PPFIA2: variants seen among roughly 807,000 people sequenced by gnomAD.
The protein encoded by PPFIA2 is PPFI scaffold protein A2.
In PPFIA2, 46 loss-of-function variants were observed where a neutral mutation model predicts 175.5. The ratio of observed to expected loss-of-function variants is 0.26; its 90% CI spans 0.21 to 0.34. The LOEUF is 0.34. PPFIA2 is among the 10% of genes least tolerant of loss of function. PPFIA2 has a pLI of 1.00. For missense variants in PPFIA2, 1,179 were observed against 1,506.1 expected, an observed-to-expected ratio of 0.78 and a Z score of 3.60; for synonymous variants, 568 against 511.4, an observed-to-expected ratio of 1.11 and a Z score of -1.49.
At chr12:81,327,662 G>T (rs879110366) in intron 21 of PPFIA2, among the ~76,000 whole-genome samples, 1 of 152,006 alleles carries the variant, frequency 6.6e-6, no homozygotes, top group Non-Finnish European at 1.5e-5. Flanking sequence ...GTGGCTAGAT[G>T]AATCAGGCTT....
chr12:81,483,674 G>C (rs992882220), intron 4 of PPFIA2, among the ~76,000 whole-genome samples: 4 of 151,816 alleles, frequency 2.6e-5, no homozygotes, highest in African/African-American at 9.7e-5. Flanking sequence ...TGAATTTTAT[G>C]CTATTTTTTT....
chr12:81,362,634 A>G, intron 15 of PPFIA2, 59 bp downstream of exon 15: 6 of 1,174,922 alleles, frequency 5.1e-6, no homozygotes, highest in Non-Finnish European at 7.4e-6. Context: ...ATATGAAACC[A>G]TAAGGGAATT....
chr12:81,266,958 C>A lies in PPFIA2; in HGVS notation c.3549G>T (p.Leu1183=). 6.2e-7 allele frequency: 1 copy of A among 1,610,242 alleles called. No homozygotes were observed. Among genetic ancestry groups the A allele is most frequent in the Non-Finnish European group, 8.5e-7 (1 of 1,176,886 alleles). ...NLLALGTERR[L]DESDDKNFRR... ...GAATAACAGGTGGACTTACTTCATC[C>A]AGTCGCCTTTCAGTTCCCAGGGCCA... Residue 1183 remains leucine, a synonymous_variant, in exon 30 of 33, where the codon CTG becomes CTT. Transcript: ENST00000549396.
At chr12:81,350,816 A>C (rs564898792) in intron 17 of PPFIA2, among the ~76,000 whole-genome samples, 1 of 152,280 alleles carries the variant, frequency 6.6e-6, no homozygotes, top group East Asian at 1.9e-4. Context: ...TAAGGTAAAA[A>C]ACTATTCTAA....
At chr12:81,436,943 T>C (rs2049165992) in intron 7 of PPFIA2, among the ~76,000 whole-genome samples, 1 of 152,202 alleles carries the variant, frequency 6.6e-6, no homozygotes, top group Non-Finnish European at 1.5e-5. Flanking sequence ...TGATTTTTAC[T>C]TATGCAAGTG....
At chr12:81,698,126 C>T (rs927417639) in intron 3 of PPFIA2, among the ~76,000 whole-genome samples, 1 of 152,020 alleles carries the variant, frequency 6.6e-6, no homozygotes, top group South Asian at 2.1e-4. Flanking sequence ...ATTTCTGATT[C>T]GATAGGCCAG....
chr12:81,695,540 A>G (rs1048505826), intron 3 of PPFIA2, among the ~76,000 whole-genome samples: 10 of 152,290 alleles, frequency 6.6e-5, no homozygotes, highest in Admixed American at 1.3e-4. Context: ...TGCTTCCTGT[A>G]AAACCTACAA....
chr12:81,587,190 T>A (rs2075412277), intron 4 of PPFIA2, among the ~76,000 whole-genome samples: 1 of 152,016 alleles, frequency 6.6e-6, no homozygotes, highest in South Asian at 2.1e-4. Flanking sequence ...ATTGTAATCC[T>A]CACATGTAGA....
chr12:81,511,404 A>G (rs1367442744), intron 4 of PPFIA2, among the ~76,000 whole-genome samples: 4 of 152,140 alleles, frequency 2.6e-5, no homozygotes, highest in Non-Finnish European at 5.9e-5. Flanking sequence ...ATGAACATCA[A>G]GATTTATAAA....
intron 4 of PPFIA2, among the ~76,000 whole-genome samples, chr12:81,507,255 T>G (rs1024633715): frequency 6.6e-6 from 1 of 152,188 alleles, no homozygotes; most frequent in African/African-American, 2.4e-5. Flanking sequence ...TTCAGTTGTT[T>G]TATTATATCT....
chr12:81,443,616 T>C (rs944303717), intron 6 of PPFIA2, among the ~76,000 whole-genome samples: 8 of 152,110 alleles, frequency 5.3e-5, no homozygotes, highest in Non-Finnish European at 1.2e-4. Flanking sequence ...ATCATTCTTT[T>C]GTAAAAGCAT....
chr12:81,299,445 AATG>A, intron 22 of PPFIA2, 63 bp from the exon 23 acceptor site: 1 of 1,510,854 alleles, frequency 6.6e-7, no homozygotes, highest in Non-Finnish European at 8.9e-7. Context: ...GATTATTTTT[AATG>A]ATAATATTTT....
intron 7 of PPFIA2, chr12:81,417,289 T>C (rs2045463568): frequency 6.6e-6 from 1 of 151,712 alleles, no homozygotes; most frequent in South Asian, 2.1e-4. Flanking sequence ...TTCTATATTC[T>C]TCCTCTAGCA....
chr12:81,703,272 T>C (rs2153603708), intron 3 of PPFIA2, among the ~76,000 whole-genome samples: 1 of 152,244 alleles, frequency 6.6e-6, no homozygotes, highest in South Asian at 2.1e-4. Flanking sequence ...CACAGACACC[T>C]CATACTAAAT....
At chr12:81,607,298 T>G (rs779131256) in intron 4 of PPFIA2, among the ~76,000 whole-genome samples, 2 of 152,106 alleles carry the variant, frequency 1.3e-5, no homozygotes, top group Non-Finnish European at 2.9e-5. Context: ...CTTTTTTGGT[T>G]CCATATGAAT....
At chr12:81,355,004 T>A (rs1400582162) in intron 16 of PPFIA2, among the ~76,000 whole-genome samples, 1 of 152,162 alleles carries the variant, frequency 6.6e-6, no homozygotes, top group African/African-American at 2.4e-5. Flanking sequence ...CCTAGAATGA[T>A]GAATCGTTTC....
chr12:81,564,286 GGAAA>G (rs147142735), intron 4 of PPFIA2, among the ~76,000 whole-genome samples: 37,753 of 148,504 alleles, frequency 0.25, 4,777 homozygotes, highest in Middle Eastern at 0.32. Flanking sequence ...TCAAGCTGAA[GGAAA>G]GAAACTTAGA....
intron 28 of PPFIA2, 37 bp downstream of exon 28, chr12:81,277,280 G>A: frequency 6.6e-7 from 1 of 1,504,132 alleles, no homozygotes; most frequent in Non-Finnish European, 8.9e-7. Flanking sequence ...AAAAACCCCA[G>A]AATAAAGGCA....
intron 24 of PPFIA2, among the ~76,000 whole-genome samples, chr12:81,288,781 T>C (rs2044122351): frequency 6.6e-6 from 1 of 151,778 alleles, no homozygotes; most frequent in African/African-American, 2.4e-5. Flanking sequence ...AATTTTTGTC[T>C]CTCATTATAA....
Sources: gnomAD v4.1 joint callset for allele counts (sites outside exome capture counted in the v4.1 genomes callset) on GRCh38, gnomAD v4.1.1 for gene constraint, MANE v1.5 for transcripts, NCBI Gene and HGNC (gene_info 2026-07-23, HGNC 2026-07-21) for gene names.